The following NUP54 variants were observed in gnomAD, a reference collection of about 807,000 sequenced individuals.
The protein encoded by NUP54 is nucleoporin p54.
A neutral mutation model predicts 66.4 loss-of-function variants in NUP54; 27 were observed. That is an observed-to-expected ratio of 0.41 (90% CI 0.30 to 0.56). NUP54 has a LOEUF of 0.56. NUP54 is among the 20% of genes least tolerant of loss of function. The pLI, the probability that NUP54 is intolerant of heterozygous loss-of-function variation, is 0.34. For synonymous variants in NUP54, 206 were observed against 210.7 expected (o/e 0.98, Z 0.19); for missense variants, 486 against 596.3 (o/e 0.82, Z 1.93).
chr4:76,142,496 G>A (rs562450595), intron 3 of NUP54, among the ~76,000 whole-genome samples: 1 of 152,294 alleles, frequency 6.6e-6, no homozygotes, highest in East Asian at 1.9e-4. Flanking sequence ...GCACTAGAAT[G>A]AGTAGTTGAA....
chr4:76,141,759 C>T (rs1731275412), intron 3 of NUP54, among the ~76,000 whole-genome samples: 1 of 115,174 alleles, frequency 8.7e-6, no homozygotes, highest in Non-Finnish European at 2.0e-5. Context: ...TTCCTGTCTA[C>T]TTAATCCTAC....
At chr4:76,143,175 C>T (rs1731337943) in intron 3 of NUP54, among the ~76,000 whole-genome samples, 1 of 151,966 alleles carries the variant, frequency 6.6e-6, no homozygotes, top group Non-Finnish European at 1.5e-5. Context: ...ATATGTACGC[C>T]CCAGATCTAA....
In NUP54 at chr4:76,127,710, G is replaced by A. The variant is rs563285005; in HGVS notation, c.1056+2946C>T. 2.8e-4 allele frequency among the ~76,000 whole-genome samples: 43 copies of A among 151,966 alleles called. 2 individuals carry two copies. In the South Asian group the frequency reaches 8.3e-3, roughly 29 times the overall value. ...TCTTCAACTACAGACACCAAAGACA[G>A]AATTAACAAAGAGATGAGAAACTAG... On this transcript the variant is annotated intron_variant, in intron 8 of 11. Coordinates refer to ENST00000264883, the MANE Select transcript of NUP54 (RefSeq NM_017426.4).
intron 9 of NUP54, among the ~76,000 whole-genome samples, chr4:76,122,655 CA>C (rs1199138014): frequency 6.6e-6 from 1 of 152,092 alleles, no homozygotes; most frequent in Non-Finnish European, 1.5e-5. Flanking sequence ...CGTAGTTCCT[CA>C]AAAAGTTAAA....
Position 76,117,656 on chromosome 4 carries a change from A to G in NUP54, c.1395+8T>C, listed in dbSNP as rs745829518. The G allele has an allele frequency of 1.9e-6, 3 of 1,569,548 alleles. No individual in the cohort carries two copies. Among genetic ancestry groups the G allele is most frequent in the Non-Finnish European group, 1.8e-6 (2 of 1,139,814 alleles). On this transcript the variant is annotated splice_region_variant and intron_variant, in intron 11 of 11. Coordinates refer to ENST00000264883, the MANE Select transcript of NUP54 (RefSeq NM_017426.4). ...ACTTTAAATAATGCAGCCTCATGCA[A>G]CACTTACCTGCTTGATTTCTCGTAA... is the stretch of plus-strand genomic sequence containing the variant.
chr4:76,122,792 G>T (rs58358710), intron 9 of NUP54, among the ~76,000 whole-genome samples: 20,022 of 152,092 alleles, frequency 0.13, 1,544 homozygotes, highest in East Asian at 0.34. Flanking sequence ...AGCCAAAAAG[G>T]AGAACCACCA....
chr4:76,118,246 G>A (rs1730044538), intron 9 of NUP54, 52 bp from the exon 10 acceptor site: 4 of 1,514,244 alleles, frequency 2.6e-6, no homozygotes, highest in Non-Finnish European at 3.7e-6. Flanking sequence ...TTTTAGTTAT[G>A]CAAGTAGTAG....
chr4:76,137,552 T>C (rs1731091113), intron 3 of NUP54, among the ~76,000 whole-genome samples: 3 of 150,024 alleles, frequency 2.0e-5, no homozygotes, highest in Non-Finnish European at 4.4e-5. Context: ...CTTTCTCTCA[T>C]TATTAAAAAA....
chr4:76,120,426 T>C (rs985332816), intron 9 of NUP54, among the ~76,000 whole-genome samples: 10 of 65,866 alleles, frequency 1.5e-4, no homozygotes, highest in African/African-American at 1.0e-3. Context: ...GATCTCTTTT[T>C]TTTTTTTTTT....
intron 5 of NUP54, among the ~76,000 whole-genome samples, chr4:76,133,961 T>G (rs1180026928): frequency 1.3e-5 from 2 of 152,178 alleles, no homozygotes; most frequent in Non-Finnish European, 2.9e-5. Context: ...AATGAAAATC[T>G]AGAAAATTAT....
At chr4:76,130,609 C>A (rs759794495) in intron 8 of NUP54, 47 bp downstream of exon 8, 9 of 1,234,184 alleles carry the variant, frequency 7.3e-6, no homozygotes, top group African/African-American at 1.5e-5. Context: ...TGTCTATAAT[C>A]CCTTTCCCTA....
chr4:76,137,582 T>C (rs1024396406), intron 3 of NUP54, among the ~76,000 whole-genome samples: 5 of 152,196 alleles, frequency 3.3e-5, no homozygotes, highest in Admixed American at 2.0e-4. Context: ...TAATAACAAA[T>C]GGATTAACCA....
At chr4:76,118,389 T>A in intron 9 of NUP54, 195 bp from the exon 10 acceptor site, 3 of 552,622 alleles carry the variant, frequency 5.4e-6, no homozygotes, top group South Asian at 4.1e-5. Flanking sequence ...TGATATAGAC[T>A]TAATTGTTTT....
At position 76,144,151 on chromosome 4, in the gene NUP54, G is replaced by C; in HGVS notation, c.293C>G (p.Thr98Ser). The C allele has an allele frequency of 2.5e-6, 4 of 1,610,396 alleles. No individual in the cohort carries two copies. The highest frequency in any genetic ancestry group is 3.4e-6 in the Non-Finnish European group (4 of 1,178,374). The change falls in exon 3 of 12, where the codon ACT (threonine) becomes AGT (serine). Residue 98 changes from threonine (T) to serine (S), a missense_variant and splice_region_variant. Coordinates refer to ENST00000264883, the MANE Select transcript of NUP54 (RefSeq NM_017426.4). ...GGFNTQQQQQ[T>S]TLGGLFSQPT... The stretch of plus-strand genomic sequence containing the variant: ...GAAGCTGAAAACCTCATACTTACTA[G>C]TTTGCTGCTGCTGCTGTGTATTAAA...
rs540859045 is a variant in NUP54 at position 76,147,409 on chromosome 4, C to T, written c.67+899G>A. Reference sequence around the variant, plus strand: ...AGACAAGTAACTGTTCTTTCCCAAACTCCAGGAACCACAATATTCTTGGAC... The same window carrying T: ...AGACAAGTAACTGTTCTTTCCCAAATTCCAGGAACCACAATATTCTTGGAC... On this transcript the variant is annotated intron_variant, in intron 1 of 11. Transcript: ENST00000264883. 4.9e-5 allele frequency: 53 copies of T among 1,077,356 alleles called. No homozygotes were observed. In the Admixed American group the frequency reaches 6.4e-4, roughly 13 times the overall value. 66.7% of individuals were successfully genotyped at this position (1,077,356 alleles called of 1,614,324 possible).
intron 5 of NUP54, among the ~76,000 whole-genome samples, chr4:76,133,455 G>A (rs1730900827): frequency 6.6e-6 from 1 of 151,832 alleles, no homozygotes; most frequent in African/African-American, 2.4e-5. Flanking sequence ...ACAGGCACCT[G>A]CCACCACGCC....
At chr4:76,130,228 C>T (rs1394064187) in intron 8 of NUP54, among the ~76,000 whole-genome samples, 2 of 151,822 alleles carry the variant, frequency 1.3e-5, no homozygotes, top group Non-Finnish European at 2.9e-5. Flanking sequence ...GTGATCCACC[C>T]ACCCTGGTCT....
chr4:76,115,499 A>G lies in NUP54; in HGVS notation c.1396-5T>C. ...TTCCTGTTGTTGTTTCAAATGCTAG[A>G]ACAAATTAAGAAACAACATATTAAT... On this transcript the variant is annotated splice_polypyrimidine_tract_variant and splice_region_variant and intron_variant, in intron 11 of 11. Transcript: ENST00000264883. The G allele has an allele frequency of 6.3e-7, 1 of 1,589,592 alleles. No individual in the cohort carries two copies. Among genetic ancestry groups the G allele is most frequent in the Non-Finnish European group, 8.5e-7 (1 of 1,171,934 alleles).
chr4:76,132,921 T>C (rs1730871008), intron 5 of NUP54, among the ~76,000 whole-genome samples: 1 of 150,602 alleles, frequency 6.6e-6, no homozygotes, highest in Non-Finnish European at 1.5e-5. Context: ...AGTGGTATCA[T>C]CACTGCAGCC....
Sources: gnomAD v4.1 joint callset for allele counts (sites outside exome capture counted in the v4.1 genomes callset) on GRCh38, gnomAD v4.1.1 for gene constraint, MANE v1.5 for transcripts, NCBI Gene and HGNC (gene_info 2026-07-23, HGNC 2026-07-21) for gene names.